Variants in ETNPPL observed in about 807,000 individuals in gnomAD.
ETNPPL encodes the protein ethanolamine-phosphate phospho-lyase, also known as alanine--glyoxylate aminotransferase 2-like 1.
ETNPPL carries 30 observed loss-of-function variants against 55.5 expected under a neutral mutation model. The ratio of observed to expected loss-of-function variants is 0.54; its 90% CI spans 0.40 to 0.73. ETNPPL has a LOEUF of 0.73. Ranked by LOEUF, ETNPPL falls within the 30% of genes least tolerant of loss-of-function variation. The pLI is 0.00. For synonymous variants in ETNPPL, 202 were observed against 207.2 expected, an observed-to-expected ratio of 0.98 and a Z score of 0.21; for missense variants, 528 against 607.9, an observed-to-expected ratio of 0.87 and a Z score of 1.38.
At chr4:108,754,583 A>G (rs779210654) in intron 5 of ETNPPL, 37 bp downstream of exon 5, 2 of 1,076,034 alleles carry the variant, frequency 1.9e-6, no homozygotes, top group Admixed American at 3.7e-5. Flanking sequence ...CATTCCTCCA[A>G]TACAAACATT....
chr4:108,762,185 A>G, intron 1 of ETNPPL: 1 of 344,996 alleles, frequency 2.9e-6, no homozygotes, highest in Non-Finnish European at 5.8e-6. Flanking sequence ...TCGGTCTTAT[A>G]TACTCACCTT....
intron 5 of ETNPPL, among the ~76,000 whole-genome samples, chr4:108,754,033 G>T (rs571245506): frequency 1.0e-4 from 15 of 147,744 alleles, no homozygotes; most frequent in Admixed American, 2.7e-4. Context: ...GAGTGCAGTG[G>T]CACGATCTTG....
At chr4:108,755,995 T>A (rs1415027033) in intron 4 of ETNPPL, among the ~76,000 whole-genome samples, 2 of 152,276 alleles carry the variant, frequency 1.3e-5, no homozygotes, top group Non-Finnish European at 2.9e-5. Flanking sequence ...TAAAATTTGC[T>A]GTAAATTGTT....
intron 1 of ETNPPL, 23 bp downstream of exon 1, chr4:108,762,820 C>A: frequency 1.2e-6 from 2 of 1,613,752 alleles, no homozygotes; most frequent in Middle Eastern, 3.3e-4. Context: ...TCTGCACTTA[C>A]TTCCGGGCCA....
chr4:108,756,987 A>T (rs1203882165), intron 3 of ETNPPL, among the ~76,000 whole-genome samples: 11 of 152,194 alleles, frequency 7.2e-5, no homozygotes, highest in Non-Finnish European at 4.4e-5. Flanking sequence ...TGTTTTCAGT[A>T]AAGAATGAGA....
chr4:108,750,875 G>A, intron 7 of ETNPPL, 61 bp downstream of exon 7: 5 of 1,151,130 alleles, frequency 4.3e-6, no homozygotes, highest in Non-Finnish European at 5.3e-6. Flanking sequence ...AACTAGTATG[G>A]CCCTACAGAA....
Position 108,746,849 on chromosome 4 carries a change from C to A in ETNPPL, c.1085G>T (p.Gly362Val). The change falls in exon 10 of 13, where the codon GGC becomes GTC. Residue 362 changes from glycine to valine, a missense_variant and splice_region_variant. Gly to Val is a moderately radical substitution (Grantham distance 109, BLOSUM62 -3). Coordinates refer to ENST00000296486, the MANE Select transcript of ETNPPL (RefSeq NM_031279.4). Reference protein sequence around the residue: ...AKHTLIGDIRGIGLFIGIDLV... With the variant: ...AKHTLIGDIRVIGLFIGIDLV... ...ATCAATTCCAATAAAAAGGCCAATGCCCCTGCGAGAGGTGAAGAAAAACTT... is the reference window on the plus strand; with the variant it reads ...ATCAATTCCAATAAAAAGGCCAATGACCCTGCGAGAGGTGAAGAAAAACTT... 1 of 1,612,000 alleles carries A rather than the reference C, an allele frequency of 6.2e-7. No homozygotes were observed. Among genetic ancestry groups the A allele is most frequent in the Non-Finnish European group, 8.5e-7 (1 of 1,178,390 alleles).
intron 3 of ETNPPL, among the ~76,000 whole-genome samples, chr4:108,758,528 T>C (rs1729338539): frequency 6.6e-6 from 1 of 152,030 alleles, no homozygotes; most frequent in Non-Finnish European, 1.5e-5. Context: ...GGTGGGCAGA[T>C]TGCTTGAGTT....
rs189307598 is a variant in ETNPPL, at chr4:108,747,815, G to T, written c.1082+190C>A. On this transcript the variant is annotated intron_variant, in intron 9 of 12. Transcript: ENST00000296486. ...ACAATCTCGGCTCACTGCAACCTCT[G>T]CCTCCCAGGCTCAAGTGATTCTCAT... 8.3e-4 allele frequency: 418 copies of T among 500,914 alleles called. 4 individuals are homozygous for T. The East Asian group carries it at 0.014, about 17-fold the overall frequency. The allele number at this position is 500,914 out of a possible 1,614,324, so 31.0% of individuals were successfully genotyped here.
In ETNPPL at chr4:108,743,898, A is replaced by G. The variant is rs936202998; in HGVS notation, c.1304-42T>C. 3.6e-6 allele frequency: 5 copies of G among 1,405,404 alleles called. No homozygotes were observed. The African/African-American group carries it at 4.4e-5, about 12-fold the overall frequency. 87.1% of individuals were successfully genotyped at this position (1,405,404 alleles called of 1,614,324 possible). A position where few individuals can be genotyped will look rare whatever the true frequency, so the allele number is the denominator to read the frequency against. On this transcript the variant is annotated intron_variant, in intron 11 of 12. Transcript: ENST00000296486. Reference sequence around the variant, plus strand: ...ATTATGGAGAAGACAAAATAACATAAAAACCTTAAGAAAAAAACTTTTTGG... The same window carrying G: ...ATTATGGAGAAGACAAAATAACATAGAAACCTTAAGAAAAAAACTTTTTGG...
chr4:108,754,673 TA>T lies in ETNPPL; in HGVS notation c.447del (p.Ser150AlafsTer44). 6.2e-7 allele frequency: 1 copy of T among 1,600,608 alleles called. No individual in the cohort carries two copies. Among genetic ancestry groups the T allele is most frequent in the Non-Finnish European group, 8.6e-7 (1 of 1,168,990 alleles). ...TTTCCTTTCTGAAACTTATATGGGC[TA>T]ATCTCAATTAAGGATGATAGGTGAC... is the stretch of plus-strand genomic sequence containing the variant. ...YHGHLSSLIE[I>X]SPYKFQKGKD... On this transcript the variant is annotated frameshift_variant, in exon 5 of 13. Transcript: ENST00000296486. LOFTEE classifies it high-confidence loss of function.
chr4:108,744,711 T>A (rs981612041), intron 11 of ETNPPL, among the ~76,000 whole-genome samples: 1 of 149,470 alleles, frequency 6.7e-6, no homozygotes, highest in Non-Finnish European at 1.5e-5. Flanking sequence ...GTAGAGAAGT[T>A]GAAATTTTTT....
intron 7 of ETNPPL, 128 bp from the exon 8 acceptor site, chr4:108,749,591 AC>A (rs1406172412): frequency 1.6e-6 from 1 of 639,790 alleles, no homozygotes; most frequent in African/African-American, 1.8e-5. Context: ...TTCTTAAAAA[AC>A]ATTTCAGTAC....
Position 108,751,009 on chromosome 4 carries a change from A to C in ETNPPL, c.628T>G (p.Phe210Val), listed in dbSNP as rs766892380. Residue 210 changes from phenylalanine (F) to valine (V), a missense_variant, in exon 7 of 13, where the codon TTT becomes GTT. By Grantham distance (50) the Phe-to-Val change is conservative. Coordinates refer to ENST00000296486, the MANE Select transcript of ETNPPL (RefSeq NM_031279.4). The stretch of plus-strand genomic sequence containing the variant: ...CAACTCTGCATGGATTCAGCAATAA[A>C]GGCAGCAATCTATACAAGAGAAGAT... ...AHNSGRKIAAFIAESMQSCGG... is the reference protein window; with the variant it reads ...AHNSGRKIAAVIAESMQSCGG... 2.5e-6 allele frequency: 4 copies of C among 1,612,694 alleles called. No individual in the cohort carries two copies. The highest frequency in any genetic ancestry group is 1.7e-5 in the Admixed American group (1 of 59,966).
rs750910908 is a variant in ETNPPL at position 108,749,461 on chromosome 4, T to C, written c.704A>G (p.Tyr235Cys). 1 of 1,613,216 alleles carries C rather than the reference T, an allele frequency of 6.2e-7. No homozygotes were observed. The highest frequency in any genetic ancestry group is 8.5e-7 in the Non-Finnish European group (1 of 1,179,360). ...PAGYFQKVAE[Y>C]VHGAGGVFIA... ...AAACACACCCCCTGCACCGTGTACATATCTGAAAAGCAAAGCGGCAGTCTA... is the reference window on the plus strand; with the variant it reads ...AAACACACCCCCTGCACCGTGTACACATCTGAAAAGCAAAGCGGCAGTCTA... The change falls in exon 8 of 13, where the codon TAT becomes TGT. Residue 235 changes from tyrosine (Y) to cysteine (C), a missense_variant and splice_region_variant. Tyr to Cys is a radical substitution (Grantham distance 194). Coordinates refer to ENST00000296486, the MANE Select transcript of ETNPPL (RefSeq NM_031279.4).
At chr4:108,746,634 C>G in intron 10 of ETNPPL, 105 bp from the exon 11 acceptor site, 1 of 1,467,806 alleles carries the variant, frequency 6.8e-7, no homozygotes, top group South Asian at 1.2e-5. Flanking sequence ...TTTAAGAAGC[C>G]CACATTATAA....
chr4:108,758,231 C>T (rs1729318840), intron 3 of ETNPPL, among the ~76,000 whole-genome samples: 1 of 151,924 alleles, frequency 6.6e-6, no homozygotes, highest in African/African-American at 2.4e-5. Flanking sequence ...ACCTCGTGAT[C>T]CACCCTCCTT....
intron 9 of ETNPPL, among the ~76,000 whole-genome samples, chr4:108,747,224 TTA>T (rs1392205218): frequency 0.035 from 875 of 24,676 alleles, 78 homozygotes; most frequent in African/African-American, 0.04. Flanking sequence ...TATATATATA[TTA>T]TATATATATA....
chr4:108,754,546 G>A, intron 5 of ETNPPL, 74 bp downstream of exon 5: 1 of 843,032 alleles, frequency 1.2e-6, no homozygotes. Flanking sequence ...TCATCTAGAT[G>A]AAAGCATTGG....
Sources: gnomAD v4.1 joint callset for allele counts (sites outside exome capture counted in the v4.1 genomes callset) on GRCh38, gnomAD v4.1.1 for gene constraint, MANE v1.5 for transcripts, NCBI Gene and HGNC (gene_info 2026-07-23, HGNC 2026-07-21) for gene names.